The following FBXO31 variants were observed in gnomAD, a reference collection of about 807,000 sequenced individuals.
FBXO31 encodes F-box only protein 31.
FBXO31 carries 24 observed loss-of-function variants against 54.4 expected under a neutral mutation model. The ratio of observed to expected loss-of-function variants is 0.44; its 90% CI spans 0.32 to 0.62. The LOEUF is 0.62. FBXO31 is among the 20% of genes least tolerant of loss of function. The probability of loss-of-function intolerance (pLI) is 0.05; values close to 1 mark genes in which losing one functional copy is unlikely to be tolerated. For synonymous variants in FBXO31, 388 were observed against 335.6 expected (o/e 1.16, Z -1.71); for missense variants, 665 against 787.1 (o/e 0.84, Z 1.86).
rs906533803 is a variant in FBXO31, at chr16:87,345,924, C to T, written c.489+1250G>A. 2.6e-5 allele frequency among the ~76,000 whole-genome samples: 4 copies of T among 152,198 alleles called. No homozygotes were observed. Among genetic ancestry groups the T allele is most frequent in the African/African-American group, 9.7e-5 (4 of 41,438 alleles). On this transcript the variant is annotated intron_variant, in intron 3 of 8. Transcript: ENST00000311635. This position sits in a 1 kb window ranked among gnomAD's most constrained non-coding sequence, Gnocchi z 4.9. Reference sequence around the variant, plus strand: ...GCCGCCAAACGCCAAAGATGGCAACCAGAGAACACAGCCCCATGCTGCACA... The same window carrying T: ...GCCGCCAAACGCCAAAGATGGCAACTAGAGAACACAGCCCCATGCTGCACA...
intron 1 of FBXO31, among the ~76,000 whole-genome samples, chr16:87,360,956 A>G (rs1265054263): frequency 1.3e-5 from 2 of 152,156 alleles, no homozygotes; most frequent in Non-Finnish European, 2.9e-5. Context: ...TCACCTGCTG[A>G]CAGCACCTTC....
In FBXO31 at chr16:87,336,360, T is replaced by A; in HGVS notation, c.733-96A>T. 9.1e-7 allele frequency: 1 copy of A among 1,100,008 alleles called. No individual in the cohort carries two copies. The highest frequency in any genetic ancestry group is 1.4e-6 in the Non-Finnish European group (1 of 732,514). 68.1% of individuals were successfully genotyped at this position (1,100,008 alleles called of 1,614,324 possible). A position where few individuals can be genotyped will look rare whatever the true frequency, so the allele number is the denominator to read the frequency against. On this transcript the variant is annotated intron_variant, in intron 5 of 8. Coordinates refer to ENST00000311635, the MANE Select transcript of FBXO31 (RefSeq NM_024735.5). This position sits in a 1 kb window ranked among gnomAD's most constrained non-coding sequence, Gnocchi z 6.5. Reference sequence around the variant, plus strand: ...TGAGAGGACACAGTGTGTCCTTCTTTGTCAGTGCACAGGCACCTGCAGGGC... The same window carrying A: ...TGAGAGGACACAGTGTGTCCTTCTTAGTCAGTGCACAGGCACCTGCAGGGC...
chr16:87,377,858 T>C (rs1906891625), intron 1 of FBXO31, among the ~76,000 whole-genome samples: 1 of 150,170 alleles, frequency 6.7e-6, no homozygotes, highest in Admixed American at 6.6e-5. Flanking sequence ...CATGTATATA[T>C]AAAAAAACAG....
chr16:87,359,372 C>T (rs925117200), intron 2 of FBXO31, among the ~76,000 whole-genome samples: 4 of 152,170 alleles, frequency 2.6e-5, no homozygotes, highest in Non-Finnish European at 4.4e-5. Flanking sequence ...GCAACACCTC[C>T]GACCCCCACA....
At chr16:87,382,117 A>C (rs1463163496) in intron 1 of FBXO31, among the ~76,000 whole-genome samples, 1 of 152,158 alleles carries the variant, frequency 6.6e-6, no homozygotes, top group Non-Finnish European at 1.5e-5. Flanking sequence ...TAAAATGCAC[A>C]AAGCAGTCTT....
chr16:87,372,924 G>A (rs373633814), intron 1 of FBXO31, among the ~76,000 whole-genome samples: 4 of 151,474 alleles, frequency 2.6e-5, no homozygotes, highest in African/African-American at 7.3e-5. Context: ...CTGTAGAGAC[G>A]GGGTTTCACC....
upstream of FBXO31, among the ~76,000 whole-genome samples, chr16:87,390,629 T>TG (rs938741608): frequency 2.6e-5 from 4 of 151,676 alleles, no homozygotes; most frequent in Non-Finnish European, 4.4e-5. Flanking sequence ...TTAGTAGAGA[T>TG]GGGGGTTTCG....
At chr16:87,368,325 A>G (rs1716197335) in intron 1 of FBXO31, among the ~76,000 whole-genome samples, 1 of 152,222 alleles carries the variant, frequency 6.6e-6, no homozygotes, top group African/African-American at 2.4e-5. Context: ...AAAGTCTTTT[A>G]AAAAATAGGG....
chr16:87,331,643 C>G, intron 8 of FBXO31, 133 bp from the exon 9 acceptor site: 1 of 756,524 alleles, frequency 1.3e-6, no homozygotes, highest in Non-Finnish European at 2.1e-6. Flanking sequence ...AGCTGACTCC[C>G]AGAGCCAGCC....
intron 2 of FBXO31, among the ~76,000 whole-genome samples, chr16:87,357,927 AAG>A (rs556162737): frequency 2.9e-3 from 448 of 152,224 alleles, no homozygotes; most frequent in African/African-American, 9.2e-3. Context: ...AAAAAAAAAA[AAG>A]GAGTCAACTG....
chr16:87,333,446 G>T (rs1255049385), intron 8 of FBXO31, among the ~76,000 whole-genome samples: 4 of 152,200 alleles, frequency 2.6e-5, no homozygotes, highest in Non-Finnish European at 4.4e-5. Flanking sequence ...CTGTCCAGGA[G>T]GACACCAAAC....
intron 5 of FBXO31, among the ~76,000 whole-genome samples, 158 bp downstream of exon 5, chr16:87,342,719 G>C (rs891548558): frequency 6.6e-6 from 1 of 152,204 alleles, no homozygotes; most frequent in African/African-American, 2.4e-5. Context: ...GAGTGTGCCG[G>C]ATGCACGGTC....
chr16:87,391,131 G>C (rs1205074337), upstream of FBXO31, among the ~76,000 whole-genome samples: 1 of 152,122 alleles, frequency 6.6e-6, no homozygotes, highest in Admixed American at 6.5e-5. Flanking sequence ...CGGGAGGGTT[G>C]CTTGAGGCCA....
rs911779694 is a variant in FBXO31 at position 87,346,497 on chromosome 16, C to T, written c.489+677G>A. 2.0e-5 allele frequency among the ~76,000 whole-genome samples: 3 copies of T among 152,190 alleles called. No homozygotes were observed. Among genetic ancestry groups the T allele is most frequent in the Middle Eastern group, 3.2e-3 (1 of 316 alleles). ...CCATCTCCAGCCATGATCAAGTACC[C>T]AGGACTAGACAGGCACTGCCATGGC... is the stretch of plus-strand genomic sequence containing the variant. On this transcript the variant is annotated intron_variant, in intron 3 of 8. Coordinates refer to ENST00000311635, the MANE Select transcript of FBXO31 (RefSeq NM_024735.5). The surrounding 1 kb of genome is among the most constrained non-coding windows in gnomAD (Gnocchi z 4.2).
chr16:87,353,226 CACTGTT>C (rs1466036990), intron 2 of FBXO31, among the ~76,000 whole-genome samples: 8 of 152,190 alleles, frequency 5.3e-5, no homozygotes, highest in Non-Finnish European at 1.0e-4. Context: ...TCCTGCCTCT[CACTGTT>C]ACTCCCACGG....
In FBXO31 at chr16:87,372,053, A is replaced by G. The variant is rs1370828503; in HGVS notation, c.340+11352T>C. On this transcript the variant is annotated intron_variant, in intron 1 of 8. Coordinates refer to ENST00000311635, the MANE Select transcript of FBXO31 (RefSeq NM_024735.5). ...AGTCTGGACAACATGGCAAAACCCC[A>G]TTTCTACTAAAAACACAAAAATTAG... is the stretch of plus-strand genomic sequence containing the variant. Among the ~76,000 whole-genome samples, 3 of 152,212 alleles carry G rather than the reference A, an allele frequency of 2.0e-5. No individual in the cohort carries two copies. In the East Asian group the frequency reaches 5.8e-4, roughly 29 times the overall value.
chr16:87,390,676 G>A (rs148355427), upstream of FBXO31, among the ~76,000 whole-genome samples: 62 of 152,110 alleles, frequency 4.1e-4, no homozygotes, highest in Non-Finnish European at 7.2e-4. Context: ...TCTTGACCTC[G>A]TGATCCTCCT....
At chr16:87,348,785 C>T (rs942143719) in intron 2 of FBXO31, among the ~76,000 whole-genome samples, 4 of 152,224 alleles carry the variant, frequency 2.6e-5, no homozygotes, top group African/African-American at 9.6e-5. Context: ...CCCACCAGAG[C>T]AGCAGGCAGG....
At chr16:87,386,415 A>G (rs1047085686), upstream of FBXO31, among the ~76,000 whole-genome samples, 1 of 152,162 alleles carries the variant, frequency 6.6e-6, no homozygotes, top group African/African-American at 2.4e-5. Context: ...TTTATGTGGT[A>G]CAGAAACATT....
Sources: gnomAD v4.1 joint callset for allele counts (sites outside exome capture counted in the v4.1 genomes callset) on GRCh38, gnomAD v4.1.1 for gene constraint, Gnocchi (gnomAD v3.1) non-coding constraint, MANE v1.5 for transcripts, NCBI Gene and HGNC (gene_info 2026-07-23, HGNC 2026-07-21) for gene names.